The following KLHL29 variants were observed in gnomAD, a reference collection of about 807,000 sequenced individuals.
KLHL29 encodes the protein kelch like family member 29.
KLHL29 carries 21 observed loss-of-function variants against 80.4 expected under a neutral mutation model. The ratio of observed to expected loss-of-function variants is 0.26; its 90% CI spans 0.19 to 0.38. KLHL29 has a LOEUF of 0.38. Ranked by LOEUF, KLHL29 falls within the 10% of genes least tolerant of loss-of-function variation. The probability of loss-of-function intolerance (pLI) is 1.00; values close to 1 mark genes in which losing one functional copy is unlikely to be tolerated. For synonymous variants in KLHL29, 511 were observed against 526.8 expected, an observed-to-expected ratio of 0.97 and a Z score of 0.41; for missense variants, 867 against 1,223.9, an observed-to-expected ratio of 0.71 and a Z score of 4.35.
chr2:23,480,627 T>C (rs1664774858), intron 2 of KLHL29, among the ~76,000 whole-genome samples: 2 of 152,234 alleles, frequency 1.3e-5, no homozygotes, highest in South Asian at 4.1e-4. Context: ...GTTCCTGAAT[T>C]CTATGGCTTG....
At chr2:23,494,568 C>T (rs887873051) in intron 2 of KLHL29, among the ~76,000 whole-genome samples, 3 of 152,192 alleles carry the variant, frequency 2.0e-5, no homozygotes, top group Admixed American at 6.5e-5. Context: ...CCATCAGGCA[C>T]GTTTCCAAGA....
At chr2:23,645,146 T>C (rs1231212209) in intron 5 of KLHL29, among the ~76,000 whole-genome samples, 1 of 152,252 alleles carries the variant, frequency 6.6e-6, no homozygotes, top group Non-Finnish European at 1.5e-5. Flanking sequence ...ATTTCTCTTT[T>C]CATTTCTAAT....
intron 1 of KLHL29, among the ~76,000 whole-genome samples, chr2:23,469,841 T>G (rs1175002384): frequency 6.6e-6 from 1 of 152,106 alleles, no homozygotes; most frequent in Non-Finnish European, 1.5e-5. Flanking sequence ...ACCTTTGGCT[T>G]CTTTTTCTTC....
intron 5 of KLHL29, among the ~76,000 whole-genome samples, chr2:23,657,627 C>G (rs1490827108): frequency 1.3e-5 from 2 of 152,208 alleles, no homozygotes; most frequent in African/African-American, 2.4e-5. Flanking sequence ...GTGCTGATAT[C>G]AAGCTTTGAA....
At chr2:23,523,123 GTTTCTT>G (rs911329231) in intron 2 of KLHL29, among the ~76,000 whole-genome samples, 1 of 152,206 alleles carries the variant, frequency 6.6e-6, no homozygotes, top group Non-Finnish European at 1.5e-5. Flanking sequence ...ACTTCCACTG[GTTTCTT>G]TACCAGCACC....
intron 1 of KLHL29, among the ~76,000 whole-genome samples, chr2:23,452,909 C>T (rs1007590712): frequency 1.7e-5 from 2 of 120,976 alleles, no homozygotes; most frequent in Non-Finnish European, 3.1e-5. Flanking sequence ...GTCACCCCCC[C>T]GCCCACACAC....
intron 3 of KLHL29, among the ~76,000 whole-genome samples, chr2:23,581,670 A>G (rs1179190600): frequency 1.3e-5 from 2 of 151,996 alleles, no homozygotes; most frequent in Non-Finnish European, 2.9e-5. Flanking sequence ...TACTAAAAAT[A>G]CAAAAAAAGT....
chr2:23,581,600 C>T (rs1023056779), intron 3 of KLHL29, among the ~76,000 whole-genome samples: 32 of 152,034 alleles, frequency 2.1e-4, no homozygotes, highest in African/African-American at 2.7e-4. Context: ...CCGAGGTGGG[C>T]GGATCACTTG....
intron 2 of KLHL29, among the ~76,000 whole-genome samples, chr2:23,509,167 G>T (rs1665696613): frequency 6.6e-6 from 1 of 152,236 alleles, no homozygotes; most frequent in Admixed American, 6.5e-5. Flanking sequence ...CTCAGGGCAG[G>T]AGCAGATGCT....
At chr2:23,563,105 C>A (rs1013939894) in intron 3 of KLHL29, among the ~76,000 whole-genome samples, 1 of 152,220 alleles carries the variant, frequency 6.6e-6, no homozygotes, top group Non-Finnish European at 1.5e-5. Flanking sequence ...CAGGACTTGT[C>A]CCCACAGCTG....
chr2:23,683,675 C>T (rs1423536692), intron 5 of KLHL29, among the ~76,000 whole-genome samples: 1 of 152,162 alleles, frequency 6.6e-6, no homozygotes, highest in Non-Finnish European at 1.5e-5. Flanking sequence ...TGGGATCTGC[C>T]GGGCTGTAAA....
intron 3 of KLHL29, among the ~76,000 whole-genome samples, chr2:23,609,422 GA>G (rs1420067019): frequency 6.6e-6 from 1 of 152,146 alleles, no homozygotes; most frequent in Non-Finnish European, 1.5e-5. Context: ...GCAGCAATCA[GA>G]GATGAGCTGG....
intron 2 of KLHL29, among the ~76,000 whole-genome samples, chr2:23,487,546 C>T (rs1664968093): frequency 6.6e-6 from 1 of 152,138 alleles, no homozygotes; most frequent in African/African-American, 2.4e-5. Flanking sequence ...CTGCCAAGAG[C>T]TCCTCCTCTC....
At chr2:23,570,104 G>A (rs1667682151) in intron 3 of KLHL29, among the ~76,000 whole-genome samples, 1 of 152,198 alleles carries the variant, frequency 6.6e-6, no homozygotes. Context: ...TGCCTCTCTA[G>A]AACCCGTAGG....
intron 6 of KLHL29, chr2:23,688,706 C>T (rs1471779321): frequency 6.6e-6 from 1 of 152,226 alleles, no homozygotes; most frequent in African/African-American, 2.4e-5. Flanking sequence ...ATACCCCACC[C>T]CCCTGCGTCA....
intron 2 of KLHL29, among the ~76,000 whole-genome samples, chr2:23,482,230 C>T (rs1314917591): frequency 6.6e-6 from 1 of 152,214 alleles, no homozygotes; most frequent in Non-Finnish European, 1.5e-5. Flanking sequence ...GCACAGCCGT[C>T]CAGTCTAGCT....
At chr2:23,577,894 G>T (rs1572412980) in intron 3 of KLHL29, among the ~76,000 whole-genome samples, 2 of 152,182 alleles carry the variant, frequency 1.3e-5, no homozygotes, top group Admixed American at 6.5e-5. Context: ...GCAGAAGCAG[G>T]CAGATGCTCA....
chr2:23,445,668 A>T (rs889236421), intron 1 of KLHL29, among the ~76,000 whole-genome samples: 1 of 152,200 alleles, frequency 6.6e-6, no homozygotes, highest in Non-Finnish European at 1.5e-5. Flanking sequence ...AATTTGTCAG[A>T]TATTGCTACA....
At chr2:23,577,194 A>C (rs532085846) in intron 3 of KLHL29, among the ~76,000 whole-genome samples, 3 of 152,336 alleles carry the variant, frequency 2.0e-5, no homozygotes, top group African/African-American at 7.2e-5. Context: ...TCACGCCTAT[A>C]ATCCCAGCAC....
Sources: gnomAD v4.1 joint callset for allele counts (sites outside exome capture counted in the v4.1 genomes callset) on GRCh38, gnomAD v4.1.1 for gene constraint, MANE v1.5 for transcripts, NCBI Gene and HGNC (gene_info 2026-07-23, HGNC 2026-07-21) for gene names.